The following TMC7 variants were observed in gnomAD, a reference collection of about 807,000 sequenced individuals.
The protein encoded by TMC7 is transmembrane channel-like protein 7.
Under a neutral mutation model 82.9 loss-of-function variants are expected in TMC7, and 54 were observed. The ratio of observed to expected loss-of-function variants is 0.65; its 90% CI spans 0.52 to 0.82. TMC7 has a LOEUF of 0.82. Among genes scored for constraint, TMC7 ranks in the 40% least tolerant of loss-of-function variants. The pLI, the probability that TMC7 is intolerant of heterozygous loss-of-function variation, is 0.00. For missense variants in TMC7, 820 were observed against 901.2 expected, an observed-to-expected ratio of 0.91 and a Z score of 1.15; for synonymous variants, 350 against 337.9, an observed-to-expected ratio of 1.04 and a Z score of -0.39.
chr16:19,024,687 A>G (rs887543769), intron 5 of TMC7, among the ~76,000 whole-genome samples: 5 of 152,056 alleles, frequency 3.3e-5, no homozygotes, highest in African/African-American at 9.7e-5. Flanking sequence ...CTAGGACTAC[A>G]GGCGTGCACT....
chr16:18,997,744 T>G (rs970930679), intron 1 of TMC7, among the ~76,000 whole-genome samples: 7 of 150,518 alleles, frequency 4.7e-5, no homozygotes, highest in African/African-American at 1.7e-4. Context: ...TTTTTTTTTT[T>G]TTTGAGATGG....
chr16:19,011,350 G>GC (rs1375722265), intron 2 of TMC7, among the ~76,000 whole-genome samples: 1 of 151,780 alleles, frequency 6.6e-6, no homozygotes, highest in African/African-American at 2.4e-5. Context: ...TCGAATTACT[G>GC]CCCCCCACAG....
chr16:19,028,205 A>G lies in TMC7; in HGVS notation c.712-2019A>G, dbSNP rs532609572. Among the ~76,000 whole-genome samples the G allele has an allele frequency of 1.3e-3, 199 of 152,022 alleles. 1 individual carries two copies. The highest frequency in any genetic ancestry group is 2.1e-3 in the Non-Finnish European group (143 of 67,986). ...TCTCCTGGAGTTTTCCTGCCATCCA[A>G]GGAGGTGTTTGAGGTGTTCAATCAT... is the stretch of plus-strand genomic sequence containing the variant. On this transcript the variant is annotated intron_variant, in intron 5 of 15. Coordinates refer to ENST00000304381, the MANE Select transcript of TMC7 (RefSeq NM_024847.4).
At chr16:18,990,652 G>A (rs1253773988) in intron 1 of TMC7, among the ~76,000 whole-genome samples, 1 of 152,208 alleles carries the variant, frequency 6.6e-6, no homozygotes, top group African/African-American at 2.4e-5. Flanking sequence ...ATTATCGTTG[G>A]TTCTTATAGG....
chr16:19,055,255 CTT>C (rs1567531044), intron 13 of TMC7, among the ~76,000 whole-genome samples: 2 of 152,150 alleles, frequency 1.3e-5, no homozygotes, highest in African/African-American at 4.8e-5. Flanking sequence ...ATGGCACTCT[CTT>C]TTATGTGTTT....
chr16:19,056,619 C>T lies in TMC7; in HGVS notation c.1949C>T (p.Thr650Ile). Residue 650 changes from threonine to isoleucine, a missense_variant, in exon 14 of 16, where the codon ACC (threonine) becomes ATC (isoleucine). Around this residue, in one of 2 missense-constraint regions of TMC7, gnomAD observed 170 missense variants for 231.3 expected, o/e 0.74. Coordinates refer to ENST00000304381, the MANE Select transcript of TMC7 (RefSeq NM_024847.4). ...GAGGTCATCCCCAAGACGGTGAGCA[C>T]CTTCCCCAGCTCGCTGCAGTCCTTC... Reference protein sequence around the residue: ...TWEVIPKTVSTFPSSLQSFIH... With the variant: ...TWEVIPKTVSIFPSSLQSFIH... 1 of 1,614,106 alleles carries T rather than the reference C, an allele frequency of 6.2e-7. No homozygotes were observed. Among genetic ancestry groups the T allele is most frequent in the Non-Finnish European group, 8.5e-7 (1 of 1,179,998 alleles).
At chr16:19,048,884 C>T (rs1213986636) in intron 12 of TMC7, among the ~76,000 whole-genome samples, 1 of 152,100 alleles carries the variant, frequency 6.6e-6, no homozygotes, top group Non-Finnish European at 1.5e-5. Context: ...AATTGAAAAT[C>T]ATAACAATAG....
intron 9 of TMC7, among the ~76,000 whole-genome samples, chr16:19,040,764 A>G (rs1167515345): frequency 6.6e-6 from 1 of 152,178 alleles, no homozygotes. Flanking sequence ...GGGAGTTAAC[A>G]CAAATGAGTG....
chr16:19,011,839 T>C (rs1959367336), intron 2 of TMC7, among the ~76,000 whole-genome samples: 1 of 152,156 alleles, frequency 6.6e-6, no homozygotes, highest in Non-Finnish European at 1.5e-5. Flanking sequence ...CAAAAAATAT[T>C]GAGACTTTAT....
chr16:19,052,859 C>A lies in TMC7; in HGVS notation c.1871+1043C>A, dbSNP rs570211010. Among the ~76,000 whole-genome samples the A allele has an allele frequency of 1.7e-3, 260 of 151,998 alleles. 2 individuals are homozygous for A. The highest frequency in any genetic ancestry group is 3.5e-3 in the Admixed American group (54 of 15,238). On this transcript the variant is annotated intron_variant, in intron 13 of 15. Coordinates refer to ENST00000304381, the MANE Select transcript of TMC7 (RefSeq NM_024847.4). ...TCCCAAGTAGCTGGGATTACAGGGA[C>A]CTGCCACCACACCCAGCTAATTTTT... is the stretch of plus-strand genomic sequence containing the variant.
At chr16:19,040,988 T>A (rs1960987378) in intron 9 of TMC7, among the ~76,000 whole-genome samples, 1 of 151,496 alleles carries the variant, frequency 6.6e-6, no homozygotes, top group Admixed American at 6.6e-5. Flanking sequence ...ATCCCTGATC[T>A]CAAACAATCC....
intron 1 of TMC7, among the ~76,000 whole-genome samples, chr16:19,008,089 A>G (rs1051078257): frequency 6.6e-6 from 1 of 152,108 alleles, no homozygotes; most frequent in African/African-American, 2.4e-5. Context: ...TTTGCTGCAT[A>G]GAAGCTTTGC....
At chr16:19,029,094 C>T (rs1466266721) in intron 5 of TMC7, among the ~76,000 whole-genome samples, 1 of 151,592 alleles carries the variant, frequency 6.6e-6, no homozygotes, top group African/African-American at 2.4e-5. Context: ...CAAGATCCGC[C>T]TCCCGGGTTC....
At position 19,009,186 on chromosome 16, in the gene TMC7, G is replaced by C. The variant is rs777608274; in HGVS notation, c.82G>C (p.Asp28His). 6.2e-7 allele frequency: 1 copy of C among 1,614,024 alleles called. No individual in the cohort carries two copies. The highest frequency in any genetic ancestry group is 2.2e-5 in the East Asian group (1 of 44,884). ...PAVHPENLSL[D>H]SSCFSSPPVN... ...CTTTTACATAGAGAACCTCTCTCTA[G>C]ACTCCAGTTGCTTCTCTTCTCCACC... The change falls in exon 2 of 16, where the codon GAC (aspartate) becomes CAC (histidine). Residue 28 changes from aspartate to histidine, a missense_variant. Coordinates refer to ENST00000304381, the MANE Select transcript of TMC7 (RefSeq NM_024847.4).
chr16:19,021,580 T>G, intron 3 of TMC7, 49 bp from the exon 4 acceptor site: 6 of 1,597,384 alleles, frequency 3.8e-6, no homozygotes, highest in Non-Finnish European at 5.1e-6. Flanking sequence ...CTATGATGTG[T>G]AGTGTATCAA....
At chr16:19,029,105 A>T (rs1037099034) in intron 5 of TMC7, among the ~76,000 whole-genome samples, 1 of 151,252 alleles carries the variant, frequency 6.6e-6, no homozygotes, top group Non-Finnish European at 1.5e-5. Context: ...TCCCGGGTTC[A>T]CACCATTCTC....
At chr16:19,049,588 G>A in intron 12 of TMC7, 2 of 983,380 alleles carry the variant, frequency 2.0e-6, no homozygotes, top group East Asian at 1.1e-4. Context: ...AAGCTCACAG[G>A]AACTTTTTTT....
intron 1 of TMC7, among the ~76,000 whole-genome samples, chr16:18,991,895 C>T (rs1238251451): frequency 6.6e-6 from 1 of 152,150 alleles, no homozygotes; most frequent in African/African-American, 2.4e-5. Context: ...TGGTTTCCAG[C>T]GTCATCCATG....
At position 19,056,543 on chromosome 16, in the gene TMC7, A is replaced by T. The variant is rs1418195690; in HGVS notation, c.1873A>T (p.Ile625Phe). The T allele has an allele frequency of 6.2e-7, 1 of 1,613,302 alleles. No homozygotes were observed. Among genetic ancestry groups the T allele is most frequent in the Non-Finnish European group, 8.5e-7 (1 of 1,179,668 alleles). Residue 625 changes from isoleucine (I) to phenylalanine (F), a missense_variant and splice_region_variant, in exon 14 of 16, where the codon ATC (isoleucine) becomes TTC (phenylalanine). Ile to Phe is a conservative substitution (Grantham distance 21). Around this residue, in one of 2 missense-constraint regions of TMC7, gnomAD observed 170 missense variants for 231.3 expected, o/e 0.74. Coordinates refer to ENST00000304381, the MANE Select transcript of TMC7 (RefSeq NM_024847.4). ...GCCCGTTGGTCTGTGTCCTGGCAGCATCCCTTCCTCGAAAGCCTGTGGGCC... is the reference window on the plus strand; with the variant it reads ...GCCCGTTGGTCTGTGTCCTGGCAGCTTCCCTTCCTCGAAAGCCTGTGGGCC... ...IIPLTISISR[I>F]PSSKACGPFT...
Sources: allele counts gnomAD v4.1 joint callset (sites outside exome capture counted in the v4.1 genomes callset), GRCh38; gene constraint gnomAD v4.1.1; regional missense constraint gnomAD v4.1.1; transcripts MANE v1.5; gene names NCBI Gene and HGNC (gene_info 2026-07-23, HGNC 2026-07-21).